The following PXDNL variants were observed in gnomAD, a reference collection of about 807,000 sequenced individuals.
PXDNL encodes peroxidasin like.
Under a neutral mutation model 150.8 loss-of-function variants are expected in PXDNL, and 145 were observed. That is an observed-to-expected ratio of 0.96 (90% CI 0.84 to 1.10). The LOEUF (loss-of-function observed/expected upper bound fraction) is 1.10. PXDNL is among the 50% of genes least tolerant of loss of function. The pLI is 0.00. For missense variants in PXDNL, 2,087 were observed against 1,873.9 expected (o/e 1.11, Z -2.10); for synonymous variants, 757 against 725.7 (o/e 1.04, Z -0.69).
intron 12 of PXDNL, among the ~76,000 whole-genome samples, chr8:51,445,991 A>C (rs1809663310): frequency 6.6e-6 from 1 of 152,176 alleles, no homozygotes. Context: ...TCCTTTAAAA[A>C]AAAAAAAAAT....
intron 5 of PXDNL, among the ~76,000 whole-genome samples, chr8:51,489,087 A>G (rs2130212957): frequency 6.6e-6 from 1 of 152,378 alleles, no homozygotes; most frequent in South Asian, 2.1e-4. Flanking sequence ...AAATGACGAA[A>G]TAACAGATAT....
At chr8:51,598,340 G>A (rs1813619390) in intron 2 of PXDNL, among the ~76,000 whole-genome samples, 1 of 151,980 alleles carries the variant, frequency 6.6e-6, no homozygotes, top group Non-Finnish European at 1.5e-5. Flanking sequence ...TCCAATTTTT[G>A]CCTGTTCAGT....
chr8:51,324,028 A>T (rs1260018347), intron 21 of PXDNL, among the ~76,000 whole-genome samples: 2 of 152,210 alleles, frequency 1.3e-5, no homozygotes, highest in Non-Finnish European at 2.9e-5. Flanking sequence ...TTAACTAAAA[A>T]GTCTTGATAA....
intron 1 of PXDNL, among the ~76,000 whole-genome samples, chr8:51,699,364 C>T (rs2130878164): frequency 6.6e-6 from 1 of 152,268 alleles, no homozygotes; most frequent in Non-Finnish European, 1.5e-5. Context: ...CTACTAGCTT[C>T]AAATTTTCTT....
chr8:51,393,618 A>C (rs1807976446), intron 17 of PXDNL, among the ~76,000 whole-genome samples: 1 of 152,258 alleles, frequency 6.6e-6, no homozygotes, highest in Non-Finnish European at 1.5e-5. Flanking sequence ...GAACCTGTGA[A>C]TATGTCACCT....
chr8:51,429,423 T>C (rs1809196461), intron 12 of PXDNL, among the ~76,000 whole-genome samples: 1 of 152,038 alleles, frequency 6.6e-6, no homozygotes, highest in South Asian at 2.1e-4. Context: ...CTACTAAAAA[T>C]ACAATAAATT....
intron 4 of PXDNL, among the ~76,000 whole-genome samples, chr8:51,529,773 C>G (rs1306627203): frequency 6.6e-6 from 1 of 152,150 alleles, no homozygotes; most frequent in Non-Finnish European, 1.5e-5. Context: ...CCTGAGTTCC[C>G]AGTCTCTCCC....
At chr8:51,783,015 C>T (rs1022124176) in intron 1 of PXDNL, among the ~76,000 whole-genome samples, 1 of 152,172 alleles carries the variant, frequency 6.6e-6, no homozygotes, top group East Asian at 1.9e-4. Context: ...AGGCAATAGG[C>T]AATATCCAGA....
At chr8:51,593,784 C>T (rs1323312309) in intron 2 of PXDNL, among the ~76,000 whole-genome samples, 4 of 152,190 alleles carry the variant, frequency 2.6e-5, no homozygotes, top group African/African-American at 7.2e-5. Context: ...TTTGTGACTG[C>T]CTGGTGTCCT....
intron 17 of PXDNL, among the ~76,000 whole-genome samples, chr8:51,392,376 G>C (rs1325445747): frequency 7.9e-5 from 12 of 152,138 alleles, no homozygotes; most frequent in Non-Finnish European, 1.8e-4. Flanking sequence ...CATGAGCATG[G>C]AATGTTCTTC....
Position 51,453,612 on chromosome 8 carries a change from G to A in PXDNL, c.1156C>T (p.Gln386Ter). 2 of 1,614,022 alleles carry A rather than the reference G, an allele frequency of 1.2e-6. No homozygotes were observed. The highest frequency in any genetic ancestry group is 1.1e-5 in the South Asian group (1 of 91,084). ...HVATSSGLYL[Q>*]NITQRDHGRF... ...CCATGATCCCGTTGTGTGATGTTCT[G>A]TAAGTAAAGTCCACTGGACGTTGCC... The change falls in exon 10 of 23, where the codon CAG becomes TAG. Residue 386 changes from glutamine to a stop codon, truncating the protein, a stop_gained. Transcript: ENST00000356297. LOFTEE classifies it high-confidence loss of function.
At chr8:51,805,307 A>C (rs1260675651) in intron 1 of PXDNL, among the ~76,000 whole-genome samples, 1 of 149,348 alleles carries the variant, frequency 6.7e-6, no homozygotes, top group African/African-American at 2.4e-5. Context: ...GTTGTATTTT[A>C]TATATACATA....
At position 51,494,666 on chromosome 8, in the gene PXDNL, A is replaced by G. The variant is rs553335318; in HGVS notation, c.452+5033T>C. On this transcript the variant is annotated intron_variant, in intron 5 of 22. Transcript: ENST00000356297. ...TAAAACAGACTTTAAACCAACAAAGATCAAAAGAGACAAAGAAGGCCATTA... is the reference window on the plus strand; with the variant it reads ...TAAAACAGACTTTAAACCAACAAAGGTCAAAAGAGACAAAGAAGGCCATTA... Among the ~76,000 whole-genome samples the G allele has an allele frequency of 1.0e-3, 152 of 152,276 alleles. 1 individual carries two copies. The highest frequency in any genetic ancestry group is 3.3e-3 in the African/African-American group (139 of 41,556).
At chr8:51,800,107 A>T (rs967283460) in intron 1 of PXDNL, among the ~76,000 whole-genome samples, 1 of 151,838 alleles carries the variant, frequency 6.6e-6, no homozygotes, top group African/African-American at 2.4e-5. Context: ...AGTCCAGGCA[A>T]CTCCCTGTTA....
At chr8:51,761,023 TAA>T (rs1296731560) in intron 1 of PXDNL, among the ~76,000 whole-genome samples, 4 of 125,960 alleles carry the variant, frequency 3.2e-5, no homozygotes, top group African/African-American at 1.3e-4. Flanking sequence ...AACGCCCGGC[TAA>T]TTTTTTTTTT....
intron 12 of PXDNL, among the ~76,000 whole-genome samples, chr8:51,431,628 C>A (rs1357987192): frequency 6.6e-6 from 1 of 152,080 alleles, no homozygotes; most frequent in Non-Finnish European, 1.5e-5. Flanking sequence ...GCTGGGAATT[C>A]CTCTATAATA....
intron 6 of PXDNL, among the ~76,000 whole-genome samples, chr8:51,479,540 A>G (rs913404277): frequency 5.9e-5 from 9 of 152,232 alleles, no homozygotes; most frequent in Non-Finnish European, 4.4e-5. Context: ...CTGACAAGTA[A>G]GAAAACTTTG....
chr8:51,740,426 G>A (rs2036891468), intron 1 of PXDNL, among the ~76,000 whole-genome samples: 1 of 152,126 alleles, frequency 6.6e-6, no homozygotes, highest in Non-Finnish European at 1.5e-5. Context: ...CACAATGGTT[G>A]AACTAATTTA....
intron 19 of PXDNL, among the ~76,000 whole-genome samples, chr8:51,363,059 G>T (rs942950099): frequency 6.6e-6 from 1 of 152,150 alleles, no homozygotes; most frequent in Admixed American, 6.5e-5. Flanking sequence ...GCAGCTACCA[G>T]CCAGAATCAA....
Sources: allele counts gnomAD v4.1 joint callset (sites outside exome capture counted in the v4.1 genomes callset), GRCh38; gene constraint gnomAD v4.1.1; transcripts MANE v1.5; gene names NCBI Gene and HGNC (gene_info 2026-07-23, HGNC 2026-07-21).